Variants in COMMD10 observed in about 807,000 individuals in gnomAD.
COMMD10 encodes the protein COMM domain-containing protein 10.
COMMD10 carries 33 observed loss-of-function variants against 28.9 expected under a neutral mutation model. The ratio of observed to expected loss-of-function variants is 1.14; its 90% CI spans 0.87 to 1.53. COMMD10 has a LOEUF of 1.53. Among genes scored for constraint, COMMD10 ranks in the 40% most tolerant of loss-of-function variants. The probability of loss-of-function intolerance (pLI) is 0.00; values close to 1 mark genes in which losing one functional copy is unlikely to be tolerated. For missense variants in COMMD10, 310 were observed against 233.4 expected (o/e 1.33, Z -2.14); for synonymous variants, 110 against 81.7 (o/e 1.35, Z -1.87).
At position 116,235,430 on chromosome 5, in the gene COMMD10, C is replaced by T. The variant is rs139264606; in HGVS notation, c.511-56087C>T. Among the ~76,000 whole-genome samples, 50 of 152,192 alleles carry T rather than the reference C, an allele frequency of 3.3e-4. No individual in the cohort carries two copies. The East Asian group carries it at 6.9e-3, about 21-fold the overall frequency. On this transcript the variant is annotated intron_variant, in intron 5 of 6. Coordinates refer to ENST00000274458, the MANE Select transcript of COMMD10 (RefSeq NM_016144.4). ...TAAGCATTTCAGGTATTTCATTTTC[C>T]TGTTACAATCCTGGGTTAGATTTGC...
intron 5 of COMMD10, among the ~76,000 whole-genome samples, chr5:116,285,347 A>G (rs1183061670): frequency 6.6e-6 from 1 of 151,936 alleles, no homozygotes; most frequent in East Asian, 1.9e-4. Context: ...TCAGAACATG[A>G]TAATGTGGGG....
At chr5:116,119,083 C>T (rs1356660655) in intron 4 of COMMD10, among the ~76,000 whole-genome samples, 3 of 152,040 alleles carry the variant, frequency 2.0e-5, no homozygotes, top group Non-Finnish European at 2.9e-5. Context: ...CTATTATCTT[C>T]ATATATTCTT....
chr5:116,171,638 C>G (rs1222499475), intron 5 of COMMD10, among the ~76,000 whole-genome samples: 3 of 152,252 alleles, frequency 2.0e-5, no homozygotes, highest in South Asian at 2.1e-4. Context: ...CCATGGAATA[C>G]TATTCAGCCA....
chr5:116,292,336 A>G (rs1297260486), intron 6 of COMMD10, 115 bp from the exon 7 acceptor site: 1 of 525,570 alleles, frequency 1.9e-6, no homozygotes, highest in East Asian at 3.0e-5. Flanking sequence ...TGGATTTAAT[A>G]TTCATAGTTA....
intron 5 of COMMD10, among the ~76,000 whole-genome samples, chr5:116,176,867 G>C (rs1305921513): frequency 6.6e-6 from 1 of 152,120 alleles, no homozygotes; most frequent in Non-Finnish European, 1.5e-5. Context: ...AACTATAAAA[G>C]TGTAAAGAGA....
intron 5 of COMMD10, among the ~76,000 whole-genome samples, chr5:116,176,257 A>G (rs1428925538): frequency 6.6e-6 from 1 of 152,152 alleles, no homozygotes; most frequent in African/African-American, 2.4e-5. Flanking sequence ...GATTACAGGC[A>G]TGTGCCACCA....
At chr5:116,110,223 A>G (rs1027030574) in intron 4 of COMMD10, among the ~76,000 whole-genome samples, 3 of 152,106 alleles carry the variant, frequency 2.0e-5, no homozygotes. Flanking sequence ...ACTAAAACCC[A>G]CTTGATTGTG....
At chr5:116,289,440 C>G (rs907374107) in intron 5 of COMMD10, among the ~76,000 whole-genome samples, 1 of 151,818 alleles carries the variant, frequency 6.6e-6, no homozygotes, top group Admixed American at 6.6e-5. Context: ...TCTAGGGCCT[C>G]TCAAATGTTT....
chr5:116,110,014 A>G (rs879645841), intron 4 of COMMD10, among the ~76,000 whole-genome samples: 7 of 152,224 alleles, frequency 4.6e-5, no homozygotes, highest in Non-Finnish European at 8.8e-5. Context: ...GGCTTGTCAT[A>G]TATGGCATTT....
intron 4 of COMMD10, among the ~76,000 whole-genome samples, chr5:116,104,736 C>T (rs2112727443): frequency 6.6e-6 from 1 of 152,180 alleles, no homozygotes; most frequent in East Asian, 1.9e-4. Context: ...TCTCCTGCCT[C>T]AGCCTCCCTA....
intron 5 of COMMD10, among the ~76,000 whole-genome samples, chr5:116,262,174 C>A (rs1374887487): frequency 3.3e-5 from 5 of 151,352 alleles, no homozygotes; most frequent in Non-Finnish European, 7.4e-5. Flanking sequence ...TGATGAGTGT[C>A]TCCTCTCATC....
chr5:116,127,383 C>G (rs1475802392), intron 4 of COMMD10, among the ~76,000 whole-genome samples: 1 of 152,148 alleles, frequency 6.6e-6, no homozygotes, highest in Non-Finnish European at 1.5e-5. Flanking sequence ...CCTCAAAGAT[C>G]TAGAACTAGA....
At chr5:116,215,695 AATATATATATATATAT>A (rs58135204) in intron 5 of COMMD10, among the ~76,000 whole-genome samples, 29,906 of 133,816 alleles carry the variant, frequency 0.22, 3,908 homozygotes, top group African/African-American at 0.36. Context: ...TAAAAAAAGA[AATATATATATATATAT>A]ATATATATAT....
At chr5:116,286,794 A>G (rs1370009755) in intron 5 of COMMD10, among the ~76,000 whole-genome samples, 4 of 151,836 alleles carry the variant, frequency 2.6e-5, no homozygotes, top group Non-Finnish European at 5.9e-5. Flanking sequence ...CTTATCCCAG[A>G]GAATGTTCCA....
chr5:116,262,801 A>G (rs1437914607), intron 5 of COMMD10, among the ~76,000 whole-genome samples: 1 of 151,806 alleles, frequency 6.6e-6, no homozygotes, highest in Admixed American at 6.6e-5. Flanking sequence ...CCATTTGCAC[A>G]ATATCTGGCA....
chr5:116,159,991 A>G (rs964253461), intron 5 of COMMD10, among the ~76,000 whole-genome samples: 85 of 152,306 alleles, frequency 5.6e-4, no homozygotes, highest in African/African-American at 1.9e-3. Context: ...TGGAATAGTT[A>G]TGGACCAGGA....
chr5:116,290,386 T>TAC (rs1751333398), intron 5 of COMMD10, among the ~76,000 whole-genome samples: 1 of 131,346 alleles, frequency 7.6e-6, no homozygotes. Context: ...TACTTAGATA[T>TAC]ATGAGAGAAA....
intron 5 of COMMD10, among the ~76,000 whole-genome samples, chr5:116,209,357 C>T (rs1349901447): frequency 1.3e-5 from 2 of 152,170 alleles, no homozygotes; most frequent in African/African-American, 4.8e-5. Context: ...TGACCACTAA[C>T]AACATAGTTG....
chr5:116,108,159 C>T (rs1381560705), intron 4 of COMMD10, among the ~76,000 whole-genome samples: 1 of 152,220 alleles, frequency 6.6e-6, no homozygotes, highest in Non-Finnish European at 1.5e-5. Flanking sequence ...GTCAGGGACC[C>T]ACTTGAGGAG....
Sources: gnomAD v4.1 joint callset for allele counts (sites outside exome capture counted in the v4.1 genomes callset) on GRCh38, gnomAD v4.1.1 for gene constraint, MANE v1.5 for transcripts, NCBI Gene and HGNC (gene_info 2026-07-23, HGNC 2026-07-21) for gene names.